The following CDHR3 variants were observed in gnomAD, a reference collection of about 807,000 sequenced individuals.
CDHR3 encodes cadherin-related family member 3.
In CDHR3, 79 loss-of-function variants were observed where a neutral mutation model predicts 86.6. That is an observed-to-expected ratio of 0.91 (90% CI 0.76 to 1.10). CDHR3 has a LOEUF of 1.10. Ranked by LOEUF, CDHR3 falls within the 50% of genes least tolerant of loss-of-function variation. CDHR3 has a pLI of 0.00. For missense variants in CDHR3, 1,081 were observed against 1,077.6 expected (o/e 1.00, Z -0.04); for synonymous variants, 421 against 402.4 (o/e 1.05, Z -0.55).
intron 4 of CDHR3, among the ~76,000 whole-genome samples, chr7:105,985,590 T>A (rs1042611135): frequency 2.0e-4 from 30 of 152,166 alleles, no homozygotes; most frequent in Admixed American, 1.3e-4. Context: ...AACAAAGCTG[T>A]TATAAAATTA....
chr7:106,027,289 C>T (rs141902226), intron 16 of CDHR3, among the ~76,000 whole-genome samples: 2,187 of 151,744 alleles, frequency 0.014, 24 homozygotes, highest in African/African-American at 0.024. Context: ...CCCAGCTACT[C>T]GGGAGGCTGA....
intron 1 of CDHR3, among the ~76,000 whole-genome samples, chr7:105,971,766 T>TG (rs892613809): frequency 6.6e-6 from 1 of 152,154 alleles, no homozygotes; most frequent in Non-Finnish European, 1.5e-5. Context: ...GGTGAGGCTG[T>TG]GGAGAGCCCT....
At chr7:106,004,300 C>T (rs1036746031) in intron 7 of CDHR3, among the ~76,000 whole-genome samples, 198 bp from the exon 8 acceptor site, 1 of 152,250 alleles carries the variant, frequency 6.6e-6, no homozygotes, top group Admixed American at 6.5e-5. Context: ...GTGAAAAATC[C>T]TAGAAGGGTC....
At chr7:106,028,184 GC>G in intron 16 of CDHR3, among the ~76,000 whole-genome samples, 1 of 142,840 alleles carries the variant, frequency 7.0e-6, no homozygotes, top group South Asian at 2.3e-4. Flanking sequence ...AAATAAAAGG[GC>G]TTGGGAATTA....
chr7:105,994,908 G>C lies in CDHR3; in HGVS notation c.608+63G>C, dbSNP rs1563259093. 4 of 1,363,412 alleles carry C rather than the reference G, an allele frequency of 2.9e-6. No homozygotes were observed. The South Asian group carries it at 5.0e-5, about 17-fold the overall frequency. 84.5% of individuals were successfully genotyped at this position (1,363,412 alleles called of 1,614,324 possible). A position where few individuals can be genotyped will look rare whatever the true frequency, so the allele number is the denominator to read the frequency against. ...TCTGAGGGTCAAGGAAAACATGAGG[G>C]ATAGGTCACAGTGCAACCTGAGGGC... On this transcript the variant is annotated intron_variant, in intron 5 of 18. Coordinates refer to ENST00000317716, the MANE Select transcript of CDHR3 (RefSeq NM_152750.5).
chr7:105,973,304 A>G (rs1156345164), intron 1 of CDHR3, among the ~76,000 whole-genome samples: 1 of 152,190 alleles, frequency 6.6e-6, no homozygotes, highest in Admixed American at 6.5e-5. Flanking sequence ...ACTTATTTGT[A>G]ACATTGGATA....
At position 105,969,157 on chromosome 7, in the gene CDHR3, G is replaced by A. The variant is rs369200421; in HGVS notation, c.47-5687G>A. Among the ~76,000 whole-genome samples, 1,066 of 151,202 alleles carry A rather than the reference G, an allele frequency of 7.1e-3. 10 individuals are homozygous for A. Among genetic ancestry groups the A allele is most frequent in the African/African-American group, 0.025 (1,023 of 41,182 alleles). Reference sequence around the variant, plus strand: ...CACGCCTGTAATCCCAGCACTTTGGGAGGCCGAGGCGGGCGGATCACGAGG... The same window carrying A: ...CACGCCTGTAATCCCAGCACTTTGGAAGGCCGAGGCGGGCGGATCACGAGG... On this transcript the variant is annotated intron_variant, in intron 1 of 18. Coordinates refer to ENST00000317716, the MANE Select transcript of CDHR3 (RefSeq NM_152750.5).
chr7:105,996,163 C>T (rs1484010486), intron 5 of CDHR3, 87 bp from the exon 6 acceptor site: 5 of 731,706 alleles, frequency 6.8e-6, no homozygotes, highest in Non-Finnish European at 1.2e-5. Flanking sequence ...TCTGCTCTCA[C>T]TCCTCCCACC....
chr7:106,009,387 G>A (rs893333166), intron 8 of CDHR3, among the ~76,000 whole-genome samples: 1 of 152,180 alleles, frequency 6.6e-6, no homozygotes, highest in South Asian at 2.1e-4. Context: ...TGCAGCACCC[G>A]CCATCCTCCC....
intron 5 of CDHR3, 47 bp from the exon 6 acceptor site, chr7:105,996,203 A>T: frequency 2.0e-6 from 2 of 1,014,540 alleles, no homozygotes; most frequent in Non-Finnish European, 3.1e-6. Context: ...ATTTTGAAGT[A>T]GTGCCAGCAA....
rs562576654 is a variant in CDHR3, at chr7:106,014,763, G to A, written c.1225-348G>A. On this transcript the variant is annotated intron_variant, in intron 9 of 18. Coordinates refer to ENST00000317716, the MANE Select transcript of CDHR3 (RefSeq NM_152750.5). ...TGAAACTGTCAAAAGCAAAACCACA[G>A]ATAATAAGGGGGGACTACTATAATG... Among the ~76,000 whole-genome samples, 251 of 152,338 alleles carry A rather than the reference G, an allele frequency of 1.6e-3. 2 individuals are homozygous for A. The highest frequency in any genetic ancestry group is 5.9e-3 in the African/African-American group (244 of 41,586).
intron 6 of CDHR3, among the ~76,000 whole-genome samples, chr7:105,998,418 AC>A (rs1832599414): frequency 1.3e-5 from 2 of 152,342 alleles, no homozygotes; most frequent in African/African-American, 4.8e-5. Flanking sequence ...CCTGGTGGTG[AC>A]AAATGTCAGA....
intron 8 of CDHR3, among the ~76,000 whole-genome samples, chr7:106,010,733 A>G (rs1214869531): frequency 6.6e-6 from 1 of 152,224 alleles, no homozygotes; most frequent in East Asian, 1.9e-4. Context: ...CTAAGATGGG[A>G]TTAAATGTGC....
chr7:106,015,111 C>T lies in CDHR3; in HGVS notation c.1225C>T (p.Leu409=), dbSNP rs752702937. 10 of 1,598,592 alleles carry T rather than the reference C, an allele frequency of 6.3e-6. No homozygotes were observed. Among genetic ancestry groups the T allele is most frequent in the East Asian group, 4.5e-5 (2 of 44,580 alleles). ...ATCTACTATCTCTGTTTTAATCTAGCTGATTGGTGATCTAGACTACGAAAA... is the reference window on the plus strand; with the variant it reads ...ATCTACTATCTCTGTTTTAATCTAGTTGATTGGTGATCTAGACTACGAAAA... ...QDPAGSGKIV[L]IGDLDYENPS... Residue 409 remains leucine, a splice_region_variant and synonymous_variant, in exon 10 of 19, where the codon CTG becomes TTG. Coordinates refer to ENST00000317716, the MANE Select transcript of CDHR3 (RefSeq NM_152750.5).
intron 1 of CDHR3, among the ~76,000 whole-genome samples, chr7:105,967,556 T>G (rs1440768784): frequency 6.6e-6 from 1 of 152,222 alleles, no homozygotes; most frequent in Non-Finnish European, 1.5e-5. Flanking sequence ...GTTGAACTAG[T>G]TTACAGTCCC....
At chr7:105,988,485 A>G (rs1333880836) in intron 4 of CDHR3, among the ~76,000 whole-genome samples, 1 of 152,226 alleles carries the variant, frequency 6.6e-6, no homozygotes, top group Non-Finnish European at 1.5e-5. Flanking sequence ...GGCAGCAACT[A>G]GAGAATGAAT....
chr7:106,013,086 C>A, intron 9 of CDHR3, 55 bp downstream of exon 9: 1 of 1,475,452 alleles, frequency 6.8e-7, no homozygotes, highest in Non-Finnish European at 9.1e-7. Flanking sequence ...GTCCAACATG[C>A]ATCATGCTTT....
chr7:106,031,988 T>C (rs938177767), intron 18 of CDHR3, among the ~76,000 whole-genome samples: 8 of 152,212 alleles, frequency 5.3e-5, no homozygotes, highest in East Asian at 1.9e-4. Context: ...TTCCTTTTTA[T>C]AGCAGGAATT....
chr7:105,989,688 A>G (rs1388955530), intron 4 of CDHR3, among the ~76,000 whole-genome samples: 1 of 152,086 alleles, frequency 6.6e-6, no homozygotes, highest in South Asian at 2.1e-4. Flanking sequence ...TCCCAGCTGG[A>G]TGGGATCTTT....
Sources: allele counts gnomAD v4.1 joint callset (sites outside exome capture counted in the v4.1 genomes callset), GRCh38; gene constraint gnomAD v4.1.1; transcripts MANE v1.5; gene names NCBI Gene and HGNC (gene_info 2026-07-23, HGNC 2026-07-21).